ARHGEF38: variants seen among roughly 807,000 people sequenced by gnomAD.
ARHGEF38 encodes Rho guanine nucleotide exchange factor 38.
A neutral mutation model predicts 79.9 loss-of-function variants in ARHGEF38; 79 were observed. The ratio of observed to expected loss-of-function variants is 0.99; its 90% CI spans 0.82 to 1.19. The LOEUF is 1.19. ARHGEF38 is among the 50% of genes most tolerant of loss of function. ARHGEF38 has a pLI of 0.00. For synonymous variants in ARHGEF38, 366 were observed against 328.3 expected, an observed-to-expected ratio of 1.11 and a Z score of -1.24; for missense variants, 962 against 907.2, an observed-to-expected ratio of 1.06 and a Z score of -0.78.
In ARHGEF38 at chr4:105,592,149, C is replaced by T. The variant is rs1578288762; in HGVS notation, c.384+2714C>T. Reference sequence around the variant, plus strand: ...AGCCCACTGTGTCTATGTATTCTCACTCTCTCGCTCTCCTCCTTAATTCTG... The same window carrying T: ...AGCCCACTGTGTCTATGTATTCTCATTCTCTCGCTCTCCTCCTTAATTCTG... On this transcript the variant is annotated intron_variant, in intron 2 of 13. Transcript: ENST00000420470. Among the ~76,000 whole-genome samples, 9 of 152,256 alleles carry T rather than the reference C, an allele frequency of 5.9e-5. 1 individual carries two copies. In the South Asian group the frequency reaches 8.3e-4, roughly 14 times the overall value.
intron 1 of ARHGEF38, among the ~76,000 whole-genome samples, chr4:105,557,215 G>A (rs1464825445): frequency 6.6e-6 from 1 of 151,952 alleles, no homozygotes; most frequent in Non-Finnish European, 1.5e-5. Context: ...AGATATATAT[G>A]TGTATATATA....
intron 1 of ARHGEF38, among the ~76,000 whole-genome samples, chr4:105,571,321 C>CT (rs34707064): frequency 1.4e-4 from 13 of 89,748 alleles, no homozygotes; most frequent in South Asian, 4.4e-4. Context: ...TTTTCTTTTT[C>CT]TTTTTTTTTT....
At chr4:105,647,386 T>C (rs1356782464) in intron 6 of ARHGEF38, among the ~76,000 whole-genome samples, 1 of 152,156 alleles carries the variant, frequency 6.6e-6, no homozygotes, top group African/African-American at 2.4e-5. Flanking sequence ...ATCATGAACA[T>C]TCTTTCAATT....
chr4:105,565,940 T>C (rs747361930), intron 1 of ARHGEF38, among the ~76,000 whole-genome samples: 35 of 152,314 alleles, frequency 2.3e-4, no homozygotes, highest in Non-Finnish European at 4.7e-4. Context: ...TCTATCTTCT[T>C]GGCAATTAGA....
chr4:105,612,535 G>A (rs1036638993), intron 2 of ARHGEF38, among the ~76,000 whole-genome samples: 2 of 152,080 alleles, frequency 1.3e-5, no homozygotes, highest in Admixed American at 6.6e-5. Context: ...CACCAATACG[G>A]CTGTGGCCTG....
chr4:105,568,650 T>C (rs1277200063), intron 1 of ARHGEF38, among the ~76,000 whole-genome samples: 2 of 152,234 alleles, frequency 1.3e-5, no homozygotes, highest in African/African-American at 4.8e-5. Context: ...TGAAATTATA[T>C]ATTAGTTAAT....
chr4:105,624,838 T>C (rs1226564831), intron 3 of ARHGEF38, among the ~76,000 whole-genome samples: 1 of 152,134 alleles, frequency 6.6e-6, no homozygotes, highest in East Asian at 1.9e-4. Flanking sequence ...CCAGGAAAGC[T>C]CTTTCACTGG....
In ARHGEF38 at chr4:105,680,334, T is replaced by C; in HGVS notation, c.*2397T>C. The C allele has an allele frequency of 1.1e-5, 3 of 280,680 alleles. No homozygotes were observed. The South Asian group carries it at 1.3e-4, about 12-fold the overall frequency. 17.4% of individuals were successfully genotyped at this position (280,680 alleles called of 1,614,324 possible). ...ATGTACAATCCTAAAAGCTTACTTG[T>C]TAGCACACTTGCTTATCTGTCCATT... On this transcript the variant is annotated 3_prime_UTR_variant, in exon 14 of 14. Transcript: ENST00000420470.
chr4:105,653,793 C>T (rs1017178252), intron 7 of ARHGEF38, among the ~76,000 whole-genome samples: 2 of 152,182 alleles, frequency 1.3e-5, no homozygotes, highest in African/African-American at 4.8e-5. Flanking sequence ...GAAAGTTTTA[C>T]AATACCACAT....
At chr4:105,622,519 A>C (rs777357015) in intron 3 of ARHGEF38, among the ~76,000 whole-genome samples, 56 of 152,170 alleles carry the variant, frequency 3.7e-4, no homozygotes, top group Non-Finnish European at 5.9e-5. Flanking sequence ...GGCTGTGAGC[A>C]AGTCACTTGA....
chr4:105,666,899 T>C (rs2110576746), intron 11 of ARHGEF38, among the ~76,000 whole-genome samples: 1 of 152,326 alleles, frequency 6.6e-6, no homozygotes. Context: ...ATTCTTGTTT[T>C]TTCTTCTCTA....
rs1428318547 is a variant in ARHGEF38, at chr4:105,659,205, C to T, written c.1385C>T (p.Ala462Val). The T allele has an allele frequency of 6.5e-7, 1 of 1,536,064 alleles. No homozygotes were observed. Among genetic ancestry groups the T allele is most frequent in the South Asian group, 1.2e-5 (1 of 84,048 alleles). Reference protein sequence around the residue: ...QRSTGEESDLAKKEYEALNAQ... With the variant: ...QRSTGEESDLVKKEYEALNAQ... ...TCAACGGGAGAGGAGTCAGACTTGG[C>T]CAAAAAGGAGTATGAGGCCCTCAAC... Residue 462 changes from alanine (A) to valine (V), a missense_variant, in exon 10 of 14, where the codon GCC (alanine) becomes GTC (valine). Coordinates refer to ENST00000420470, the MANE Select transcript of ARHGEF38 (RefSeq NM_001242729.2).
chr4:105,601,257 C>T (rs916225033), intron 2 of ARHGEF38, among the ~76,000 whole-genome samples: 19 of 152,264 alleles, frequency 1.2e-4, no homozygotes, highest in African/African-American at 4.3e-4. Context: ...CTGTTTCAAG[C>T]TCTTTGTTCT....
chr4:105,568,580 T>C (rs1448493793), intron 1 of ARHGEF38, among the ~76,000 whole-genome samples: 5 of 152,256 alleles, frequency 3.3e-5, no homozygotes, highest in Admixed American at 3.3e-4. Flanking sequence ...ATTGTTAACT[T>C]ACCTTCAAAT....
chr4:105,675,327 G>T (rs561935671), intron 13 of ARHGEF38, among the ~76,000 whole-genome samples: 1 of 152,118 alleles, frequency 6.6e-6, no homozygotes, highest in Admixed American at 6.6e-5. Context: ...GGTTGTTGAG[G>T]ACAAAGCACA....
Position 105,677,839 on chromosome 4 carries a change from T to C in ARHGEF38, c.2236T>C (p.Cys746Arg). Residue 746 changes from cysteine to arginine, a missense_variant, in exon 14 of 14, where the codon TGT (cysteine) becomes CGT (arginine). Physicochemically the swap from Cys to Arg is radical, Grantham distance 180. Transcript: ENST00000420470. ...EYQRVHILRF[C>R]DLSGNKEWWL... ...CCAGAGAGTTCATATACTCAGGTTT[T>C]GTGACCTAAGTGGCAATAAAGAGTG... The C allele has an allele frequency of 6.5e-7, 1 of 1,535,666 alleles. No individual in the cohort carries two copies. The highest frequency in any genetic ancestry group is 2.4e-5 in the East Asian group (1 of 40,896).
chr4:105,679,524 C>T lies in ARHGEF38; in HGVS notation c.*1587C>T. 1 of 1,341,542 alleles carries T rather than the reference C, an allele frequency of 7.5e-7. No individual in the cohort carries two copies. The highest frequency in any genetic ancestry group is 1.1e-6 in the Non-Finnish European group (1 of 934,276). 83.1% of individuals were successfully genotyped at this position (1,341,542 alleles called of 1,614,324 possible). On this transcript the variant is annotated 3_prime_UTR_variant, in exon 14 of 14. Transcript: ENST00000420470. ...AGATCATGGTTCAAAGCTTGATACA[C>T]CAGAAATGTGGGCTAAAGCTGCAGC...
chr4:105,679,737 T>C lies in ARHGEF38; in HGVS notation c.*1800T>C, dbSNP rs79070818. ...TTTGTGTTTTTTGTTCCACATGTCT[T>C]AGTTGACCTTTCTCTTGGTTGATAA... On this transcript the variant is annotated 3_prime_UTR_variant, in exon 14 of 14. Transcript: ENST00000420470. 3.9e-3 allele frequency: 3,272 copies of C among 830,734 alleles called. 77 individuals carry two copies. The African/African-American group carries it at 0.048, about 12-fold the overall frequency. 51.5% of individuals were successfully genotyped at this position (830,734 alleles called of 1,614,324 possible).
intron 6 of ARHGEF38, among the ~76,000 whole-genome samples, chr4:105,645,982 C>T (rs1274509716): frequency 1.3e-5 from 2 of 152,172 alleles, no homozygotes; most frequent in Non-Finnish European, 2.9e-5. Flanking sequence ...GGGATAATTA[C>T]ATGGTTCCTA....
Sources: gnomAD v4.1 joint callset for allele counts (sites outside exome capture counted in the v4.1 genomes callset) on GRCh38, gnomAD v4.1.1 for gene constraint, MANE v1.5 for transcripts, NCBI Gene and HGNC (gene_info 2026-07-23, HGNC 2026-07-21) for gene names.